NAALADL2: variants seen among roughly 807,000 people sequenced by gnomAD.
NAALADL2 encodes the protein inactive N-acetylated-alpha-linked acidic dipeptidase-like protein 2.
A neutral mutation model predicts 87.2 loss-of-function variants in NAALADL2; 76 were observed. The observed-to-expected ratio is 0.87, with a 90% CI of 0.72 to 1.05. NAALADL2 has a LOEUF of 1.05. NAALADL2 is among the 50% of genes least tolerant of loss of function. NAALADL2 has a pLI of 0.00. For synonymous variants in NAALADL2, 354 were observed against 331.0 expected, an observed-to-expected ratio of 1.07 and a Z score of -0.75; for missense variants, 1,089 against 945.8, an observed-to-expected ratio of 1.15 and a Z score of -1.99.
At chr3:175,124,642 G>T (rs1169761911) in intron 2 of NAALADL2, 2 of 152,010 alleles carry the variant, frequency 1.3e-5, no homozygotes, top group East Asian at 3.9e-4. Context: ...AAGTAAAGAG[G>T]TAAGAAAGAG....
At chr3:174,943,359 G>T (rs2072426055) in intron 1 of NAALADL2, among the ~76,000 whole-genome samples, 2 of 152,164 alleles carry the variant, frequency 1.3e-5, no homozygotes, top group South Asian at 2.1e-4. Flanking sequence ...GCATTTAGGT[G>T]TACTGGTCAG....
At chr3:175,190,082 A>G (rs1160888045) in intron 2 of NAALADL2, among the ~76,000 whole-genome samples, 1 of 152,126 alleles carries the variant, frequency 6.6e-6, no homozygotes, top group East Asian at 1.9e-4. Context: ...CTTAAACATA[A>G]GATCTGAAAC....
At chr3:175,255,560 G>T (rs1487323311) in intron 3 of NAALADL2, among the ~76,000 whole-genome samples, 1 of 151,976 alleles carries the variant, frequency 6.6e-6, no homozygotes, top group Admixed American at 6.6e-5. Context: ...AACAACTATT[G>T]TTTTAATAAT....
intron 6 of NAALADL2, among the ~76,000 whole-genome samples, chr3:175,457,266 G>A (rs1416443211): frequency 6.6e-6 from 1 of 152,072 alleles, no homozygotes; most frequent in East Asian, 1.9e-4. Context: ...GCTCTTAAAA[G>A]CAGATGTCCT....
intron 13 of NAALADL2, among the ~76,000 whole-genome samples, chr3:175,783,318 C>T (rs375023624): frequency 1.6e-4 from 25 of 151,924 alleles, no homozygotes; most frequent in African/African-American, 3.4e-4. Context: ...TTTCACGATA[C>T]TGATTCTTCC....
chr3:175,507,489 C>A (rs1730505808), intron 9 of NAALADL2, among the ~76,000 whole-genome samples: 1 of 151,288 alleles, frequency 6.6e-6, no homozygotes. Context: ...ATGGTGTGAT[C>A]TCGGCTCACT....
intron 1 of NAALADL2, among the ~76,000 whole-genome samples, chr3:174,545,684 G>A (rs184137650): frequency 2.0e-5 from 3 of 151,720 alleles, no homozygotes; most frequent in Admixed American, 6.6e-5. Context: ...TGTTACTATT[G>A]TGATATTCTT....
At chr3:174,993,401 C>A (rs539929022) in intron 1 of NAALADL2, among the ~76,000 whole-genome samples, 1 of 152,060 alleles carries the variant, frequency 6.6e-6, no homozygotes, top group South Asian at 2.1e-4. Context: ...AGATTGAGTA[C>A]CTGTACTCAT....
At position 175,755,256 on chromosome 3, in the gene NAALADL2, C is replaced by T. The variant is rs368149817; in HGVS notation, c.2027C>T (p.Ala676Val). 1.9e-5 allele frequency: 30 copies of T among 1,613,192 alleles called. No homozygotes were observed. The highest frequency in any genetic ancestry group is 1.7e-4 in the Middle Eastern group (1 of 5,906). ...QPNTHQLLAMALRLRESAELF... is the reference protein window; with the variant it reads ...QPNTHQLLAMVLRLRESAELF... ...AACACTCATCAACTGTTAGCCATGG[C>T]GTTACGCCTGCGGGAGAGTGCTGAA... Residue 676 changes from alanine to valine, a missense_variant, in exon 13 of 14, where the codon GCG becomes GTG. By Grantham distance (64) the Ala-to-Val change is moderately conservative. Transcript: ENST00000454872.
intron 2 of NAALADL2, among the ~76,000 whole-genome samples, chr3:174,564,727 A>T (rs971590384): frequency 6.6e-6 from 1 of 152,014 alleles, no homozygotes; most frequent in Non-Finnish European, 1.5e-5. Flanking sequence ...GAATTTAGTG[A>T]TTTATTATAA....
chr3:175,109,223 A>G (rs116411538), intron 2 of NAALADL2, among the ~76,000 whole-genome samples: 1,524 of 152,028 alleles, frequency 0.01, 26 homozygotes, highest in African/African-American at 0.035. Flanking sequence ...TCAGCTTTCT[A>G]ATTTAATGAT....
intron 2 of NAALADL2, among the ~76,000 whole-genome samples, chr3:175,132,144 C>G (rs1180613560): frequency 1.6e-5 from 2 of 127,004 alleles, no homozygotes; most frequent in African/African-American, 6.4e-5. Context: ...GGCTGACCCC[C>G]CCACCTCCCT....
At chr3:174,768,689 A>G (rs1714162982) in intron 3 of NAALADL2, among the ~76,000 whole-genome samples, 1 of 152,170 alleles carries the variant, frequency 6.6e-6, no homozygotes, top group African/African-American at 2.4e-5. Context: ...GTTTGAATAA[A>G]TTTGCTAATC....
chr3:174,532,030 G>T (rs1721280818), intron 1 of NAALADL2, among the ~76,000 whole-genome samples: 1 of 152,164 alleles, frequency 6.6e-6, no homozygotes, highest in African/African-American at 2.4e-5. Context: ...GTACTTTGAT[G>T]CTCCAAAAGG....
chr3:175,390,542 A>T (rs1279904359), intron 5 of NAALADL2, among the ~76,000 whole-genome samples: 2 of 152,108 alleles, frequency 1.3e-5, no homozygotes, highest in Admixed American at 1.3e-4. Flanking sequence ...CAAGGGGAAA[A>T]TGGTTTTGAG....
rs916133805 is a variant in NAALADL2 at position 175,473,525 on chromosome 3, T to TTA, written c.1653+1777_1653+1778dup. Among the ~76,000 whole-genome samples the TTA allele has an allele frequency of 7.9e-5, 12 of 151,934 alleles. No individual in the cohort carries two copies. The South Asian group carries it at 1.7e-3, about 21-fold the overall frequency. On this transcript the variant is annotated intron_variant, in intron 9 of 13. Coordinates refer to ENST00000454872, the MANE Select transcript of NAALADL2 (RefSeq NM_207015.3). ...TGTAATTTCAATCAATGGGGATTAC[T>TTA]TATATATATATGTCTAATTTTATGG...
At chr3:174,846,853 T>A (rs1466564247) in intron 3 of NAALADL2, among the ~76,000 whole-genome samples, 2 of 152,064 alleles carry the variant, frequency 1.3e-5, no homozygotes, top group Non-Finnish European at 2.9e-5. Context: ...TTGCTATGTT[T>A]TAGGAAGACC....
At chr3:175,187,728 A>C (rs1355452501) in intron 2 of NAALADL2, among the ~76,000 whole-genome samples, 1 of 152,130 alleles carries the variant, frequency 6.6e-6, no homozygotes, top group Non-Finnish European at 1.5e-5. Context: ...ATATGTGAGA[A>C]TGATCTCACC....
intron 13 of NAALADL2, among the ~76,000 whole-genome samples, chr3:175,797,687 G>C (rs925417528): frequency 3.3e-5 from 5 of 152,006 alleles, no homozygotes; most frequent in African/African-American, 1.2e-4. Context: ...ACACACTTAG[G>C]CACTCTGATA....
Sources: allele counts gnomAD v4.1 joint callset (sites outside exome capture counted in the v4.1 genomes callset), GRCh38; gene constraint gnomAD v4.1.1; transcripts MANE v1.5; gene names NCBI Gene and HGNC (gene_info 2026-07-23, HGNC 2026-07-21).